LONP1: variants seen among roughly 807,000 people sequenced by gnomAD.
The protein encoded by LONP1 is lon peptidase 1, mitochondrial.
A neutral mutation model predicts 98.5 loss-of-function variants in LONP1; 31 were observed. The ratio of observed to expected loss-of-function variants is 0.31; its 90% CI spans 0.24 to 0.42. The LOEUF is 0.42. Ranked by LOEUF, LONP1 falls within the 20% of genes least tolerant of loss-of-function variation. The pLI is 1.00. For synonymous variants in LONP1, 781 were observed against 594.7 expected (o/e 1.31, Z -4.56); for missense variants, 1,336 against 1,350.6 (o/e 0.99, Z 0.17).
At chr19:5,704,266 C>T (rs918630152) in intron 8 of LONP1, among the ~76,000 whole-genome samples, 20 of 152,162 alleles carry the variant, frequency 1.3e-4, no homozygotes, top group Non-Finnish European at 7.4e-5. Context: ...CTGGGAGGGA[C>T]GGGCCCGGCC....
intron 1 of LONP1, among the ~76,000 whole-genome samples, chr19:5,716,608 G>T (rs564395977): frequency 6.6e-6 from 1 of 151,168 alleles, no homozygotes; most frequent in African/African-American, 2.4e-5. Flanking sequence ...TCTGACAGGA[G>T]GGTGTGTGAC....
chr19:5,704,894 C>CT (rs1157580911), intron 8 of LONP1, among the ~76,000 whole-genome samples: 2 of 152,050 alleles, frequency 1.3e-5, no homozygotes, highest in Non-Finnish European at 2.9e-5. Flanking sequence ...GGCGTGGTGG[C>CT]TCATGCCTGT....
intron 1 of LONP1, among the ~76,000 whole-genome samples, chr19:5,717,073 C>T (rs1302838903): frequency 2.0e-5 from 3 of 152,156 alleles, no homozygotes; most frequent in Non-Finnish European, 4.4e-5. Flanking sequence ...GGATTGCAGG[C>T]GTGAGCCACC....
intron 17 of LONP1, among the ~76,000 whole-genome samples, chr19:5,693,065 C>G (rs73920043): frequency 1.3e-5 from 2 of 152,208 alleles, no homozygotes; most frequent in Non-Finnish European, 2.9e-5. Flanking sequence ...AGCCACCCCC[C>G]CAATCCTACT....
At chr19:5,716,708 C>G (rs896711110) in intron 1 of LONP1, among the ~76,000 whole-genome samples, 2 of 152,120 alleles carry the variant, frequency 1.3e-5, no homozygotes, top group African/African-American at 4.8e-5. Context: ...AAAAAGTTTT[C>G]TTAGCAAGAC....
intron 2 of LONP1, 43 bp from the exon 3 acceptor site, chr19:5,713,296 A>G (rs2055266676): frequency 6.4e-7 from 1 of 1,559,752 alleles, no homozygotes; most frequent in South Asian, 1.1e-5. Context: ...CATGGCTTTC[A>G]TGCTAGGCAG....
chr19:5,716,934 C>CG (rs1322621767), intron 1 of LONP1, among the ~76,000 whole-genome samples: 1 of 152,052 alleles, frequency 6.6e-6, no homozygotes, highest in Admixed American at 6.6e-5. Flanking sequence ...GCTGGGACTA[C>CG]GGGCGCCCAC....
rs1481042497 is a variant in LONP1 at position 5,692,821 on chromosome 19, C to CAG, written c.2703+476_2703+477insCT. Among the ~76,000 whole-genome samples, 11 of 152,288 alleles carry CAG rather than the reference C, an allele frequency of 7.2e-5. No individual in the cohort carries two copies. The East Asian group carries it at 1.5e-3, about 21-fold the overall frequency. On this transcript the variant is annotated intron_variant, in intron 17 of 17. Transcript: ENST00000360614. ...GACCATGCCTCCCTCGTGGTGGCATCTCCTGACTGACTGCACCAGGCTTCC... is the reference window on the plus strand; with the variant it reads ...GACCATGCCTCCCTCGTGGTGGCATCAGTCCTGACTGACTGCACCAGGCTTCC...
At chr19:5,720,281 G>A (rs1313239013), upstream of LONP1, 7 of 1,169,436 alleles carry the variant, frequency 6.0e-6, no homozygotes, top group African/African-American at 1.6e-5. Context: ...AGAAGAGGGG[G>A]CGGAGTTCGA....
At chr19:5,692,246 T>TGGGAGGGCAGCAGG (rs2054839204) in intron 17 of LONP1, 38 bp from the exon 18 acceptor site, 1 of 1,574,042 alleles carries the variant, frequency 6.4e-7, no homozygotes, top group Non-Finnish European at 8.7e-7. Context: ...CCTGGGCCTG[T>TGGGAGGGCAGCAGG]GGGAGGGCAG....
intron 17 of LONP1, among the ~76,000 whole-genome samples, chr19:5,693,091 G>A (rs1384387810): frequency 6.6e-6 from 1 of 152,220 alleles, no homozygotes; most frequent in African/African-American, 2.4e-5. Flanking sequence ...AGCCAGTGGA[G>A]GCTCAGAATG....
At position 5,694,378 on chromosome 19, in the gene LONP1, C is replaced by T; in HGVS notation, c.2320+9G>A. On this transcript the variant is annotated intron_variant, in intron 15 of 17. Coordinates refer to ENST00000360614, the MANE Select transcript of LONP1 (RefSeq NM_004793.4). ...TGGCTTTGGGGTCTTCTCCCGCCACCACGCTCACCCATTGCGGTCCAGGCC... is the reference window on the plus strand; with the variant it reads ...TGGCTTTGGGGTCTTCTCCCGCCACTACGCTCACCCATTGCGGTCCAGGCC... 1 of 1,610,886 alleles carries T rather than the reference C, an allele frequency of 6.2e-7. No homozygotes were observed. The highest frequency in any genetic ancestry group is 8.5e-7 in the Non-Finnish European group (1 of 1,177,866).
At chr19:5,716,951 T>G (rs746783213) in intron 1 of LONP1, among the ~76,000 whole-genome samples, 279 of 151,972 alleles carry the variant, frequency 1.8e-3, no homozygotes, top group Non-Finnish European at 3.2e-3. Flanking sequence ...CCACCACCAC[T>G]CCAGGCTAAT....
chr19:5,715,621 G>A (rs1474016776), intron 1 of LONP1, among the ~76,000 whole-genome samples: 11 of 116,218 alleles, frequency 9.5e-5, no homozygotes, highest in Admixed American at 1.1e-4. Flanking sequence ...CAGCCTGGGC[G>A]ACAGAGTGAG....
chr19:5,709,725 C>T lies in LONP1; in HGVS notation c.871-1322G>A, dbSNP rs572418694. ...GAGATCCAGACCATCCTGGCTAACA[C>T]GGTGAAACCCCGTCTCTACTAAAAA... On this transcript the variant is annotated intron_variant, in intron 4 of 17. Coordinates refer to ENST00000360614, the MANE Select transcript of LONP1 (RefSeq NM_004793.4). Among the ~76,000 whole-genome samples, 9 of 151,900 alleles carry T rather than the reference C, an allele frequency of 5.9e-5. No individual in the cohort carries two copies. The South Asian group carries it at 8.3e-4, about 14-fold the overall frequency.
chr19:5,691,986 C>CCCAGACAGGGCCTGACATCCAGTTCTGGG lies in LONP1; in HGVS notation c.*45_*46insCCCAGAACTGGATGTCAGGCCCTGTCTGG. The CCCAGACAGGGCCTGACATCCAGTTCTGGG allele has an allele frequency of 6.3e-7, 1 of 1,585,592 alleles. No individual in the cohort carries two copies. The highest frequency in any genetic ancestry group is 8.6e-7 in the Non-Finnish European group (1 of 1,165,154). The stretch of plus-strand genomic sequence containing the variant: ...CGCTCCCCACAGCGCTCAGTTCTGG[C>CCCAGACAGGGCCTGACATCCAGTTCTGGG]CCAGACAGGGCCTGACATCCGCCGC... On this transcript the variant is annotated 3_prime_UTR_variant, in exon 18 of 18. Coordinates refer to ENST00000360614, the MANE Select transcript of LONP1 (RefSeq NM_004793.4).
intron 15 of LONP1, 44 bp downstream of exon 15, chr19:5,694,343 G>A (rs770320886): frequency 2.5e-6 from 4 of 1,601,522 alleles, no homozygotes; most frequent in African/African-American, 2.7e-5. Flanking sequence ...TTCTCGGGTA[G>A]AAATGGGAAT....
rs2054921723 is a variant in LONP1 at position 5,696,063 on chromosome 19, G to A, written c.2004C>T (p.Ala668=). Residue 668 remains alanine, a synonymous_variant, in exon 13 of 18, where the codon GCC becomes GCT. Transcript: ENST00000360614. ...VSGYVAQEKL[A]IAERYLVPQA... is the part of the protein sequence containing the mutation. ...GAGGGGCTGGGCTTACCTCCGCAAT[G>A]GCCAGCTTCTCCTGGGCCACGTAGC... 6.2e-7 allele frequency: 1 copy of A among 1,612,412 alleles called. No homozygotes were observed.
intron 8 of LONP1, among the ~76,000 whole-genome samples, chr19:5,701,630 G>A (rs1303441100): frequency 1.3e-5 from 2 of 152,356 alleles, no homozygotes; most frequent in African/African-American, 4.8e-5. Context: ...CGTTCACTCA[G>A]TGCTCAATGG....
Sources: gnomAD v4.1 joint callset for allele counts (sites outside exome capture counted in the v4.1 genomes callset) on GRCh38, gnomAD v4.1.1 for gene constraint, MANE v1.5 for transcripts, NCBI Gene and HGNC (gene_info 2026-07-23, HGNC 2026-07-21) for gene names.